Variants in CHAT observed in about 807,000 individuals in gnomAD.
The protein encoded by CHAT is choline O-acetyltransferase.
A neutral mutation model predicts 76.9 loss-of-function variants in CHAT; 61 were observed. The ratio of observed to expected loss-of-function variants is 0.79; its 90% confidence interval spans 0.65 to 0.98. The LOEUF (loss-of-function observed/expected upper bound fraction) is 0.98. CHAT is among the 50% of genes least tolerant of loss of function. CHAT has a pLI of 0.00. For missense variants in CHAT, 946 were observed against 986.9 expected, an observed-to-expected ratio of 0.96 and a Z score of 0.56; for synonymous variants, 407 against 397.4, an observed-to-expected ratio of 1.02 and a Z score of -0.29.
intron 5 of CHAT, 127 bp from the exon 6 acceptor site, chr10:49,625,346 T>C (rs1246820253): frequency 1.2e-6 from 1 of 827,772 alleles, no homozygotes; most frequent in Non-Finnish European, 2.0e-6. Flanking sequence ...GCATCTGCCA[T>C]GATGATGCAG....
intron 10 of CHAT, among the ~76,000 whole-genome samples, chr10:49,650,333 C>T (rs922652175): frequency 6.6e-6 from 1 of 152,120 alleles, no homozygotes; most frequent in South Asian, 2.1e-4. Context: ...AAGTAGACTC[C>T]CAGGCCAAAA....
chr10:49,616,099 T>A, intron 1 of CHAT: 1 of 1,612,142 alleles, frequency 6.2e-7, no homozygotes, highest in African/African-American at 1.3e-5. Context: ...GTAGGTATGG[T>A]CTTACCCTTG....
At chr10:49,635,773 C>T (rs1401854845) in intron 7 of CHAT, among the ~76,000 whole-genome samples, 2 of 152,122 alleles carry the variant, frequency 1.3e-5, no homozygotes, top group East Asian at 1.9e-4. Context: ...CAGAAAGGAA[C>T]TTGCTCGACC....
chr10:49,645,734 A>T (rs1199251334), intron 7 of CHAT, among the ~76,000 whole-genome samples: 1 of 152,186 alleles, frequency 6.6e-6, no homozygotes, highest in Non-Finnish European at 1.5e-5. Flanking sequence ...GTACTCTTCC[A>T]GTGCCACCAG....
intron 7 of CHAT, among the ~76,000 whole-genome samples, chr10:49,645,480 T>C (rs1917814): frequency 0.85 from 129,524 of 152,200 alleles, 55,723 homozygotes; most frequent in Middle Eastern, 0.94. Flanking sequence ...CACCCAGTAC[T>C]GAGCAGTGGA....
intron 10 of CHAT, among the ~76,000 whole-genome samples, chr10:49,650,182 C>A (rs1839830933): frequency 6.6e-6 from 1 of 152,178 alleles, no homozygotes; most frequent in African/African-American, 2.4e-5. Flanking sequence ...AGTAAGCAAG[C>A]ACGAATGCAT....
intron 1 of CHAT, chr10:49,615,964 C>A: frequency 6.9e-7 from 1 of 1,439,424 alleles, no homozygotes; most frequent in African/African-American, 1.4e-5. Context: ...TCCTGGAGCA[C>A]AGGGCCTTAA....
At chr10:49,660,302 G>A (rs1840152711) in intron 13 of CHAT, among the ~76,000 whole-genome samples, 1 of 152,118 alleles carries the variant, frequency 6.6e-6, no homozygotes, top group Non-Finnish European at 1.5e-5. Context: ...TTAGCCAGGT[G>A]TGGTGGCGGG....
chr10:49,640,450 C>T (rs1049961466), intron 7 of CHAT, among the ~76,000 whole-genome samples: 2 of 152,068 alleles, frequency 1.3e-5, no homozygotes, highest in Admixed American at 1.3e-4. Context: ...AGGCACTTCA[C>T]TGGGTCTCTG....
At chr10:49,620,272 G>T (rs961088807) in intron 3 of CHAT, among the ~76,000 whole-genome samples, 1 of 152,254 alleles carries the variant, frequency 6.6e-6, no homozygotes, top group South Asian at 2.1e-4. Flanking sequence ...GTAGCACCAA[G>T]CCACCAGGAT....
At chr10:49,656,857 G>A (rs4838393) in intron 13 of CHAT, among the ~76,000 whole-genome samples, 61,140 of 151,778 alleles carry the variant, frequency 0.4, 12,871 homozygotes, top group East Asian at 0.69. Flanking sequence ...GAGTAGGACA[G>A]GGGCAGGGTG....
chr10:49,655,815 A>G (rs561810962), intron 13 of CHAT, among the ~76,000 whole-genome samples: 2 of 152,274 alleles, frequency 1.3e-5, no homozygotes, highest in East Asian at 1.9e-4. Context: ...ACCTTCCCCA[A>G]TCTCAGGCAA....
chr10:49,612,194 T>C (rs1452497827), upstream of CHAT: 1 of 1,609,364 alleles, frequency 6.2e-7, no homozygotes, highest in African/African-American at 1.3e-5. Flanking sequence ...CGCGATGTGC[T>C]GCTTGATGAG....
At chr10:49,663,468 G>T (rs756484696) in intron 14 of CHAT, among the ~76,000 whole-genome samples, 36 of 152,160 alleles carry the variant, frequency 2.4e-4, no homozygotes, top group Non-Finnish European at 4.3e-4. Flanking sequence ...CCAGCCCAGG[G>T]CCTGGCATGG....
chr10:49,633,174 G>A (rs1028076467), intron 7 of CHAT, among the ~76,000 whole-genome samples: 2 of 152,218 alleles, frequency 1.3e-5, no homozygotes, highest in East Asian at 1.9e-4. Context: ...CATCAGGATT[G>A]TCTAGAGCAT....
chr10:49,611,255 C>T (rs754500673), upstream of CHAT: 72 of 1,612,996 alleles, frequency 4.5e-5, no homozygotes, highest in Non-Finnish European at 5.9e-5. Context: ...TTCGCCTTCG[C>T]CGAGGACTAC....
intron 5 of CHAT, among the ~76,000 whole-genome samples, chr10:49,624,950 G>A (rs1464475673): frequency 6.6e-6 from 1 of 151,910 alleles, no homozygotes; most frequent in Admixed American, 6.6e-5. Context: ...TATGGTAGAT[G>A]TATGGATATA....
At chr10:49,635,790 G>A (rs1487249937) in intron 7 of CHAT, among the ~76,000 whole-genome samples, 3 of 152,028 alleles carry the variant, frequency 2.0e-5, no homozygotes, top group Admixed American at 6.5e-5. Context: ...GACCTGATAC[G>A]GAACATCTAC....
intron 7 of CHAT, among the ~76,000 whole-genome samples, chr10:49,636,584 A>G (rs936203235): frequency 1.3e-5 from 2 of 152,206 alleles, no homozygotes; most frequent in African/African-American, 2.4e-5. Flanking sequence ...AAGAGATTGT[A>G]TAAATGTGGT....
Sources: allele counts gnomAD v4.1 joint callset (sites outside exome capture counted in the v4.1 genomes callset), GRCh38; gene constraint gnomAD v4.1.1; transcripts MANE v1.5; gene names NCBI Gene and HGNC (gene_info 2026-07-23, HGNC 2026-07-21).